Variants in SLC11A2 observed in about 807,000 individuals in gnomAD.
SLC11A2 encodes the protein natural resistance-associated macrophage protein 2.
A neutral mutation model predicts 68.0 loss-of-function variants in SLC11A2; 38 were observed. The ratio of observed to expected loss-of-function variants is 0.56; its 90% confidence interval spans 0.43 to 0.73. The LOEUF (loss-of-function observed/expected upper bound fraction) is 0.73. SLC11A2 is among the 30% of genes least tolerant of loss of function. SLC11A2 has a pLI of 0.00. For synonymous variants in SLC11A2, 242 were observed against 250.6 expected, an observed-to-expected ratio of 0.97 and a Z score of 0.32; for missense variants, 517 against 690.5, an observed-to-expected ratio of 0.75 and a Z score of 2.82.
the SLC11A2 span, among the ~76,000 whole-genome samples, chr12:50,972,754 G>T: frequency 6.6e-6 from 1 of 152,204 alleles, no homozygotes; most frequent in South Asian, 2.1e-4. Flanking sequence ...AAGGGAAGTG[G>T]GGACAAACAG....
In SLC11A2 at chr12:51,000,014, AT is replaced by A. The variant is rs201486633; in HGVS notation, c.536+298del. Among the ~76,000 whole-genome samples the A allele has an allele frequency of 8.3e-3, 1,270 of 152,234 alleles. 18 individuals carry two copies. Among genetic ancestry groups the A allele is most frequent in the African/African-American group, 0.028 (1,172 of 41,516 alleles). ...CGGAGAAAGACTCTGTCTCAAAAAA[AT>A]AAATAAATAAAATAAAATAAAAAGA... On this transcript the variant is annotated intron_variant, in intron 6 of 15. Transcript: ENST00000262052.
intron 1 of SLC11A2, among the ~76,000 whole-genome samples, chr12:51,018,124 G>A (rs1294380268): frequency 6.6e-6 from 1 of 152,156 alleles, no homozygotes; most frequent in African/African-American, 2.4e-5. Flanking sequence ...GCTGGGTGGG[G>A]TGGTTCACAC....
At chr12:51,021,870 G>C (rs1447742200) in intron 1 of SLC11A2, among the ~76,000 whole-genome samples, 2 of 152,060 alleles carry the variant, frequency 1.3e-5, no homozygotes, top group Non-Finnish European at 2.9e-5. Flanking sequence ...TGTCAAAAAC[G>C]ATAACAGTTG....
the SLC11A2 span, among the ~76,000 whole-genome samples, chr12:50,969,898 A>T: frequency 6.6e-6 from 1 of 152,014 alleles, no homozygotes; most frequent in Non-Finnish European, 1.5e-5. Context: ...ATTTGCTGAC[A>T]TCCTTGGAAC....
chr12:50,986,259 T>C lies in SLC11A2; in HGVS notation c.*2066A>G. The C allele has an allele frequency of 7.8e-7, 1 of 1,285,350 alleles. No homozygotes were observed. The highest frequency in any genetic ancestry group is 1.0e-6 in the Non-Finnish European group (1 of 986,930). 79.6% of individuals were successfully genotyped at this position (1,285,350 alleles called of 1,614,324 possible). ...AAACACACTGTCAAAACTCACTGGA[T>C]ATGCTGGAATTGGAGGACTTAAATT... is the stretch of plus-strand genomic sequence containing the variant. On this transcript the variant is annotated 3_prime_UTR_variant, in exon 16 of 16. Coordinates refer to ENST00000262052, the MANE Select transcript of SLC11A2 (RefSeq NM_000617.3).
At chr12:51,018,911 G>C (rs1306364275) in intron 1 of SLC11A2, among the ~76,000 whole-genome samples, 3 of 152,164 alleles carry the variant, frequency 2.0e-5, no homozygotes, top group Non-Finnish European at 2.9e-5. Flanking sequence ...TGTAGGTTTA[G>C]AGAGGAATGT....
chr12:50,964,253 A>G, the SLC11A2 span, among the ~76,000 whole-genome samples: 1 of 152,262 alleles, frequency 6.6e-6, no homozygotes, highest in Non-Finnish European at 1.5e-5. Flanking sequence ...GGTTATTGCT[A>G]GTATTATATC....
chr12:50,955,322 C>T, the SLC11A2 span, among the ~76,000 whole-genome samples: 1 of 152,136 alleles, frequency 6.6e-6, no homozygotes, highest in Non-Finnish European at 1.5e-5. Context: ...CCTCTTTATC[C>T]TTTCCCCACA....
intron 1 of SLC11A2, among the ~76,000 whole-genome samples, chr12:51,021,114 T>A (rs996121039): frequency 3.9e-5 from 6 of 152,108 alleles, no homozygotes; most frequent in African/African-American, 1.4e-4. Flanking sequence ...GGGATTATAA[T>A]TGATATAACT....
chr12:50,954,520 GTT>G, the SLC11A2 span, among the ~76,000 whole-genome samples: 3 of 152,214 alleles, frequency 2.0e-5, no homozygotes, highest in Non-Finnish European at 4.4e-5. Context: ...TACATCTTCT[GTT>G]TATAGATTTT....
chr12:51,026,059 C>A (rs1272474352), intron 1 of SLC11A2: 20 of 1,090,552 alleles, frequency 1.8e-5, no homozygotes, highest in Non-Finnish European at 2.2e-5. Flanking sequence ...AGGGGCGAGA[C>A]CCCCGCGACC....
the SLC11A2 span, among the ~76,000 whole-genome samples, chr12:50,956,030 A>C: frequency 4.6e-5 from 7 of 152,246 alleles, no homozygotes; most frequent in African/African-American, 1.7e-4. Flanking sequence ...AAACCAATTT[A>C]AGTAAGAACA....
chr12:50,988,317 A>T lies in SLC11A2; in HGVS notation c.*8T>A. 1 of 1,613,942 alleles carries T rather than the reference A, an allele frequency of 6.2e-7. No individual in the cohort carries two copies. The highest frequency in any genetic ancestry group is 8.5e-7 in the Non-Finnish European group (1 of 1,179,866). On this transcript the variant is annotated 3_prime_UTR_variant, in exon 16 of 16. Coordinates refer to ENST00000262052, the MANE Select transcript of SLC11A2 (RefSeq NM_000617.3). Reference sequence around the variant, plus strand: ...ATGGCTACCTGCAGAAGACAGACTAATCCAGTGTTATTTAACGTAGCCACG... The same window carrying T: ...ATGGCTACCTGCAGAAGACAGACTATTCCAGTGTTATTTAACGTAGCCACG...
At chr12:50,999,521 T>C (rs1470063932) in intron 6 of SLC11A2, 106 bp from the exon 7 acceptor site, 11 of 957,106 alleles carry the variant, frequency 1.1e-5, no homozygotes, top group Middle Eastern at 2.1e-4. Context: ...TTGGAGAAGC[T>C]AGGACTTGAG....
chr12:50,994,978 G>A (rs1257719496), intron 10 of SLC11A2: 1 of 324,978 alleles, frequency 3.1e-6, no homozygotes, highest in East Asian at 8.1e-5. Flanking sequence ...AGACAGAGGA[G>A]TCAGAGGTTC....
chr12:50,992,099 TCCC>T (rs1565989260), intron 13 of SLC11A2, 88 bp downstream of exon 13: 1 of 1,249,428 alleles, frequency 8.0e-7, no homozygotes, highest in African/African-American at 1.5e-5. Context: ...CCTCTCAATA[TCCC>T]CCCAGCACTC....
In SLC11A2 at chr12:51,008,223, CAGAT is replaced by C. The variant is rs10602867; in HGVS notation, c.183+249_183+252del. On this transcript the variant is annotated intron_variant, in intron 3 of 15. Coordinates refer to ENST00000262052, the MANE Select transcript of SLC11A2 (RefSeq NM_000617.3). ...CTGTCTGTAAAAAAGATTAGATAGA[CAGAT>C]AGATAGATAGATAGATAGATAGATA... The C allele has an allele frequency of 8.7e-3, 3,113 of 359,394 alleles. 44 individuals carry two copies. The highest frequency in any genetic ancestry group is 0.033 in the African/African-American group (1,488 of 44,676). The allele number at this position is 359,394 out of a possible 1,614,324, so 22.3% of individuals were successfully genotyped here.
chr12:50,955,578 G>GT, the SLC11A2 span, among the ~76,000 whole-genome samples: 1 of 152,030 alleles, frequency 6.6e-6, no homozygotes, highest in South Asian at 2.1e-4. Flanking sequence ...TTCTAAATAG[G>GT]TATGTCAGAT....
the SLC11A2 span, among the ~76,000 whole-genome samples, chr12:50,971,506 G>A: frequency 1.1e-3 from 168 of 152,308 alleles, no homozygotes; most frequent in African/African-American, 3.8e-3. Context: ...ATTTAGTCCA[G>A]AAGTGCTAAT....
Sources: allele counts gnomAD v4.1 joint callset (sites outside exome capture counted in the v4.1 genomes callset), GRCh38; gene constraint gnomAD v4.1.1; transcripts MANE v1.5; gene names NCBI Gene and HGNC (gene_info 2026-07-23, HGNC 2026-07-21).